ADAMTSL1: variants seen among roughly 807,000 people sequenced by gnomAD.
ADAMTSL1 encodes the protein ADAMTS like 1, also known as ADAMTS-like protein 1.
A neutral mutation model predicts 201.8 loss-of-function variants in ADAMTSL1; 126 were observed. The ratio of observed to expected loss-of-function variants is 0.62; its 90% confidence interval spans 0.54 to 0.72. The LOEUF (loss-of-function observed/expected upper bound fraction) is 0.72. Among genes scored for constraint, ADAMTSL1 ranks in the 30% least tolerant of loss-of-function variants. The probability of loss-of-function intolerance (pLI) is 0.00; values close to 1 mark genes in which losing one functional copy is unlikely to be tolerated. For missense variants in ADAMTSL1, 2,679 were observed against 2,277.8 expected (o/e 1.18, Z -3.59); for synonymous variants, 1,121 against 903.4 (o/e 1.24, Z -4.32).
At chr9:18,117,553 T>C (rs2131904031) in intron 1 of ADAMTSL1, among the ~76,000 whole-genome samples, 1 of 152,302 alleles carries the variant, frequency 6.6e-6, no homozygotes, top group Non-Finnish European at 1.5e-5. Context: ...GCTGGCCCTC[T>C]CCATCTTATT....
At chr9:18,795,627 G>C in intron 20 of ADAMTSL1, 103 bp downstream of exon 20, 1 of 1,250,790 alleles carries the variant, frequency 8.0e-7, no homozygotes. Flanking sequence ...AGGAGACCCA[G>C]ATCCCATCTT....
At position 18,387,854 on chromosome 9, in the gene ADAMTSL1, T is replaced by C. The variant is rs561473482; in HGVS notation, c.208-116975T>C. 8.5e-5 allele frequency among the ~76,000 whole-genome samples: 13 copies of C among 152,306 alleles called. No individual in the cohort carries two copies. In the South Asian group the frequency reaches 2.5e-3, roughly 29 times the overall value. On this transcript the variant is annotated intron_variant, in intron 2 of 29. Coordinates refer to the ADAMTSL1 transcript ENST00000680146. ...TGTTCTAATTTTTTTGTTTTATCTA[T>C]CTATCGAATGACATGTTTTTGAAGT...
At chr9:17,940,503 A>G (rs1827192495) in intron 1 of ADAMTSL1, among the ~76,000 whole-genome samples, 1 of 152,042 alleles carries the variant, frequency 6.6e-6, no homozygotes, top group African/African-American at 2.4e-5. Flanking sequence ...GGACAGGAAG[A>G]AAAACCAATT....
chr9:18,279,226 T>C (rs1312983505), intron 2 of ADAMTSL1, among the ~76,000 whole-genome samples: 2 of 152,140 alleles, frequency 1.3e-5, no homozygotes, highest in Non-Finnish European at 2.9e-5. Flanking sequence ...TAGTCAGCCC[T>C]GCAGAACCTA....
chr9:18,534,930 C>T (rs895123711), intron 3 of ADAMTSL1, among the ~76,000 whole-genome samples: 11 of 152,176 alleles, frequency 7.2e-5, no homozygotes, highest in Non-Finnish European at 1.2e-4. Flanking sequence ...ACCATTTTTC[C>T]CTTCTAGGCC....
chr9:18,147,376 A>G (rs1826691068), intron 1 of ADAMTSL1, among the ~76,000 whole-genome samples: 1 of 152,106 alleles, frequency 6.6e-6, no homozygotes, highest in African/African-American at 2.4e-5. Context: ...AATAAGAAAG[A>G]CGTTGGTAGG....
Position 18,281,959 on chromosome 9 carries a change from T to C in ADAMTSL1, c.207+117978T>C, listed in dbSNP as rs537029818. ...CTTTGACCCGTAGGTTATTTATTTTTTTAATTTAATTTTATTTTAGATTCA... is the reference window on the plus strand; with the variant it reads ...CTTTGACCCGTAGGTTATTTATTTTCTTAATTTAATTTTATTTTAGATTCA... On this transcript the variant is annotated intron_variant, in intron 2 of 29. Coordinates refer to the ADAMTSL1 transcript ENST00000680146. Among the ~76,000 whole-genome samples, 9 of 152,366 alleles carry C rather than the reference T, an allele frequency of 5.9e-5. No homozygotes were observed. The South Asian group carries it at 1.9e-3, about 32-fold the overall frequency.
chr9:18,204,543 C>T (rs1238746749), intron 2 of ADAMTSL1, among the ~76,000 whole-genome samples: 1 of 152,078 alleles, frequency 6.6e-6, no homozygotes, highest in Non-Finnish European at 1.5e-5. Context: ...ATATAGTATG[C>T]ACTTGAGAAA....
chr9:18,481,351 C>G (rs1339912981), intron 1 of ADAMTSL1, among the ~76,000 whole-genome samples: 1 of 152,018 alleles, frequency 6.6e-6, no homozygotes, highest in Non-Finnish European at 1.5e-5. Context: ...TCGAGACCAG[C>G]CTGGCCAACA....
intron 1 of ADAMTSL1, among the ~76,000 whole-genome samples, chr9:17,982,788 A>G (rs896511750): frequency 2.6e-5 from 4 of 152,068 alleles, no homozygotes; most frequent in African/African-American, 7.2e-5. Context: ...GAAGCATTCA[A>G]TCTTATTGCT....
chr9:18,292,035 C>T (rs1437212646), intron 2 of ADAMTSL1, among the ~76,000 whole-genome samples: 2 of 152,048 alleles, frequency 1.3e-5, no homozygotes, highest in Admixed American at 6.6e-5. Context: ...AGAAGAACAG[C>T]AGAGCTGAGA....
rs1821042147 is a variant in ADAMTSL1 at position 18,776,830 on chromosome 9, G to C, written c.2601G>C (p.Arg867Ser). The C allele has an allele frequency of 6.3e-7, 1 of 1,590,008 alleles. No homozygotes were observed. The highest frequency in any genetic ancestry group is 1.3e-5 in the African/African-American group (1 of 74,398). The change falls in exon 19 of 29, where the codon AGG (arginine) becomes AGC (serine). Residue 867 changes from arginine to serine, a missense_variant. Transcript: ENST00000380548. Reference sequence around the variant, plus strand: ...ACAGCCCGCACATCGCGGCCGCCAGGAAGGTCTACATACAGACTCGCAGGC... The same window carrying C: ...ACAGCCCGCACATCGCGGCCGCCAGCAAGGTCTACATACAGACTCGCAGGC... ...TKHSPHIAAA[R>S]KVYIQTRRQR...
chr9:18,085,943 TG>T (rs1823751195), intron 1 of ADAMTSL1, among the ~76,000 whole-genome samples: 3 of 151,724 alleles, frequency 2.0e-5, no homozygotes, highest in Admixed American at 2.0e-4. Flanking sequence ...GCAGCAGAGA[TG>T]GTAAGAAATG....
At chr9:18,415,845 C>G (rs1249407531) in intron 2 of ADAMTSL1, among the ~76,000 whole-genome samples, 7 of 151,840 alleles carry the variant, frequency 4.6e-5, no homozygotes, top group Non-Finnish European at 8.8e-5. Flanking sequence ...TTAAATATGA[C>G]AGCAGATTTC....
At chr9:18,222,885 C>T (rs1435316992) in intron 2 of ADAMTSL1, among the ~76,000 whole-genome samples, 1 of 151,884 alleles carries the variant, frequency 6.6e-6, no homozygotes, top group East Asian at 1.9e-4. Flanking sequence ...CATTACTGTA[C>T]CATTTTTATC....
intron 22 of ADAMTSL1, among the ~76,000 whole-genome samples, chr9:18,828,497 T>C (rs942410929): frequency 1.3e-5 from 2 of 151,040 alleles, no homozygotes; most frequent in African/African-American, 4.9e-5. Flanking sequence ...TAGAAAGAGA[T>C]CTTAGAAAGG....
intron 1 of ADAMTSL1, among the ~76,000 whole-genome samples, chr9:17,913,872 A>G (rs1413949539): frequency 2.0e-5 from 3 of 152,198 alleles, no homozygotes; most frequent in Non-Finnish European, 2.9e-5. Flanking sequence ...ACAAACTACC[A>G]TCAGAGAATA....
chr9:18,623,730 A>G (rs1826179226), intron 5 of ADAMTSL1, among the ~76,000 whole-genome samples: 1 of 152,210 alleles, frequency 6.6e-6, no homozygotes, highest in Admixed American at 6.5e-5. Flanking sequence ...TATTAAGGAC[A>G]TGCATTTTTA....
chr9:18,236,067 T>C (rs1031511115), intron 2 of ADAMTSL1, among the ~76,000 whole-genome samples: 2 of 152,192 alleles, frequency 1.3e-5, no homozygotes, highest in African/African-American at 4.8e-5. Context: ...GATTGTTGCA[T>C]ATCCATTTAA....
Sources: gnomAD v4.1 joint callset for allele counts (sites outside exome capture counted in the v4.1 genomes callset) on GRCh38, gnomAD v4.1.1 for gene constraint, MANE v1.5 for transcripts, NCBI Gene and HGNC (gene_info 2026-07-23, HGNC 2026-07-21) for gene names.